Variants in LRMDA observed in about 807,000 individuals in gnomAD.
The protein encoded by LRMDA is leucine-rich melanocyte differentiation-associated protein.
Under a neutral mutation model 29.8 loss-of-function variants are expected in LRMDA, and 18 were observed. The observed-to-expected ratio is 0.60, with a 90% CI of 0.42 to 0.90. The LOEUF (loss-of-function observed/expected upper bound fraction) is 0.90. LRMDA is among the 40% of genes least tolerant of loss of function. LRMDA has a pLI of 0.00. For synonymous variants in LRMDA, 125 were observed against 109.4 expected, an observed-to-expected ratio of 1.14 and a Z score of -0.89; for missense variants, 273 against 273.9, an observed-to-expected ratio of 1.00 and a Z score of 0.02.
chr10:75,490,034 T>A (rs2915031), intron 2 of LRMDA, among the ~76,000 whole-genome samples: 121,794 of 152,050 alleles, frequency 0.8, 49,551 homozygotes, highest in Non-Finnish European at 0.87. Flanking sequence ...TAGCAGTTAC[T>A]GTGCCTGCTT....
At chr10:76,185,815 T>G (rs1851138581) in intron 5 of LRMDA, among the ~76,000 whole-genome samples, 1 of 152,194 alleles carries the variant, frequency 6.6e-6, no homozygotes, top group Non-Finnish European at 1.5e-5. Flanking sequence ...AAAAAAGAAT[T>G]CAACAATAAA....
intron 2 of LRMDA, among the ~76,000 whole-genome samples, chr10:75,485,969 C>T (rs1431845552): frequency 6.6e-6 from 1 of 152,110 alleles, no homozygotes; most frequent in African/African-American, 2.4e-5. Flanking sequence ...TTGAGCTGCT[C>T]ACTTCATTTA....
At chr10:76,187,777 C>T (rs374192007) in intron 5 of LRMDA, among the ~76,000 whole-genome samples, 9 of 152,180 alleles carry the variant, frequency 5.9e-5, no homozygotes, top group South Asian at 2.1e-4. Flanking sequence ...TGGGTGAGTT[C>T]GGGGGACCAT....
chr10:75,546,992 A>G (rs1197432057), intron 2 of LRMDA, among the ~76,000 whole-genome samples: 1 of 152,188 alleles, frequency 6.6e-6, no homozygotes, highest in Non-Finnish European at 1.5e-5. Context: ...TTGGCTCCAA[A>G]GTTCATGTCT....
intron 6 of LRMDA, among the ~76,000 whole-genome samples, chr10:76,507,579 A>G (rs1589218696): frequency 6.6e-6 from 1 of 152,100 alleles, no homozygotes; most frequent in Non-Finnish European, 1.5e-5. Flanking sequence ...TAAGATTGTT[A>G]TCCTAAAGTA....
chr10:76,077,293 T>G (rs983520750), intron 5 of LRMDA, among the ~76,000 whole-genome samples: 1 of 152,204 alleles, frequency 6.6e-6, no homozygotes, highest in Non-Finnish European at 1.5e-5. Flanking sequence ...AAAAAGTATA[T>G]TTTGCTTCAC....
At chr10:76,406,824 C>T (rs1014618882) in intron 6 of LRMDA, among the ~76,000 whole-genome samples, 5 of 151,966 alleles carry the variant, frequency 3.3e-5, no homozygotes, top group Admixed American at 1.3e-4. Context: ...AGAATGAGCC[C>T]GAGAGGCCCT....
intron 2 of LRMDA, among the ~76,000 whole-genome samples, chr10:75,845,712 A>C (rs1844622771): frequency 6.6e-6 from 1 of 152,122 alleles, no homozygotes; most frequent in Admixed American, 6.5e-5. Flanking sequence ...CCCCCCTGGC[A>C]CATCTACATG....
chr10:76,404,818 T>C (rs1841886101), intron 6 of LRMDA, among the ~76,000 whole-genome samples: 1 of 152,118 alleles, frequency 6.6e-6, no homozygotes, highest in Non-Finnish European at 1.5e-5. Flanking sequence ...TCCTGGACCA[T>C]GTGGGTGGGC....
intron 2 of LRMDA, among the ~76,000 whole-genome samples, chr10:75,750,251 G>C (rs1485442650): frequency 1.3e-5 from 2 of 151,088 alleles, no homozygotes; most frequent in Non-Finnish European, 3.0e-5. Context: ...CTGCCGGGCG[G>C]GGGCTGCCCA....
intron 6 of LRMDA, chr10:76,403,127 ATC>A (rs1239367903): frequency 6.6e-6 from 1 of 151,272 alleles, no homozygotes; most frequent in African/African-American, 2.4e-5. Context: ...CTCTGTCCTA[ATC>A]TCTCCTATAG....
At chr10:75,968,539 T>G (rs1394398481) in intron 2 of LRMDA, among the ~76,000 whole-genome samples, 1 of 152,196 alleles carries the variant, frequency 6.6e-6, no homozygotes, top group Non-Finnish European at 1.5e-5. Context: ...CAAGTGCCTC[T>G]GTAGCATTAG....
chr10:75,788,037 A>AAAC (rs1264607206), intron 2 of LRMDA, among the ~76,000 whole-genome samples: 4 of 151,250 alleles, frequency 2.6e-5, no homozygotes, highest in African/African-American at 9.7e-5. Flanking sequence ...TCAAAAACAA[A>AAAC]AACAAAAACA....
intron 6 of LRMDA, among the ~76,000 whole-genome samples, chr10:76,460,442 G>A (rs942288860): frequency 2.0e-5 from 3 of 152,226 alleles, no homozygotes; most frequent in African/African-American, 7.2e-5. Context: ...ATTGCTGTGT[G>A]TCTGATGATT....
At position 75,431,673 on chromosome 10, in the gene LRMDA, T is replaced by TGCC. The variant is rs1554889165; in HGVS notation, c.-46_-44dup. On this transcript the variant is annotated 5_prime_UTR_variant, in exon 1 of 7. Transcript: ENST00000611255. Reference sequence around the variant, plus strand: ...GCTCCCCTGCCGCGCTCCCCGCTGCTGCCGCCGCGCCCCCGCGCTCCGTCC... The same window carrying TGCC: ...GCTCCCCTGCCGCGCTCCCCGCTGCTGCCGCCGCCGCGCCCCCGCGCTCCGTCC... 8.0e-7 allele frequency: 1 copy of TGCC among 1,257,128 alleles called. No individual in the cohort carries two copies. The highest frequency in any genetic ancestry group is 1.6e-5 in the African/African-American group (1 of 63,800). The allele number at this position is 1,257,128 out of a possible 1,614,324, so 77.9% of individuals were successfully genotyped here.
chr10:75,984,527 G>A (rs763201347), intron 2 of LRMDA, among the ~76,000 whole-genome samples: 16 of 152,316 alleles, frequency 1.1e-4, no homozygotes, highest in Non-Finnish European at 1.9e-4. Context: ...GGCCTAAAGC[G>A]GGAAGAACAC....
intron 6 of LRMDA, among the ~76,000 whole-genome samples, chr10:76,510,156 C>T (rs1277018327): frequency 1.3e-5 from 2 of 152,062 alleles, no homozygotes; most frequent in African/African-American, 2.4e-5. Flanking sequence ...CTGCAACCTC[C>T]GCCTCCCGGA....
intron 2 of LRMDA, among the ~76,000 whole-genome samples, chr10:75,714,176 A>G (rs2132180593): frequency 6.6e-6 from 1 of 152,314 alleles, no homozygotes; most frequent in South Asian, 2.1e-4. Flanking sequence ...GCTAGAAATG[A>G]TGAATGGGAG....
intron 2 of LRMDA, among the ~76,000 whole-genome samples, chr10:75,697,257 A>C (rs1422245552): frequency 6.6e-6 from 1 of 151,830 alleles, no homozygotes; most frequent in Non-Finnish European, 1.5e-5. Context: ...TTGACTTTCT[A>C]ATTTGTCTGT....
Sources: gnomAD v4.1 joint callset for allele counts (sites outside exome capture counted in the v4.1 genomes callset) on GRCh38, gnomAD v4.1.1 for gene constraint, MANE v1.5 for transcripts, NCBI Gene and HGNC (gene_info 2026-07-23, HGNC 2026-07-21) for gene names.